ZMIZ1: variants seen among roughly 807,000 people sequenced by gnomAD.
ZMIZ1 encodes the protein zinc finger MIZ-type containing 1.
A neutral mutation model predicts 113.9 loss-of-function variants in ZMIZ1; 17 were observed. The ratio of observed to expected loss-of-function variants is 0.15; its 90% CI spans 0.10 to 0.22. The LOEUF is 0.22. Among genes scored for constraint, ZMIZ1 ranks in the 10% least tolerant of loss-of-function variants. The pLI is 1.00. For synonymous variants in ZMIZ1, 607 were observed against 603.1 expected, an observed-to-expected ratio of 1.01 and a Z score of -0.09; for missense variants, 1,059 against 1,477.8, an observed-to-expected ratio of 0.72 and a Z score of 4.65.
intron 9 of ZMIZ1, 51 bp downstream of exon 9, chr10:79,289,940 C>T (rs766604733): frequency 4.7e-5 from 73 of 1,556,384 alleles, no homozygotes; most frequent in Non-Finnish European, 5.9e-5. Context: ...CGGGAGTGTC[C>T]CTTGACCCCT....
rs547098128 is a variant in ZMIZ1, at chr10:79,211,288, A to C, written c.174+2839A>C. Among the ~76,000 whole-genome samples, 5 of 151,806 alleles carry C rather than the reference A, an allele frequency of 3.3e-5. No homozygotes were observed. The South Asian group carries it at 1.0e-3, about 32-fold the overall frequency. ...CCCTAGTCCCAGGCTGGTCCCACAGACTCCCTGGGAGCCTCTGGGCCCTGT... is the reference window on the plus strand; with the variant it reads ...CCCTAGTCCCAGGCTGGTCCCACAGCCTCCCTGGGAGCCTCTGGGCCCTGT... On this transcript the variant is annotated intron_variant, in intron 6 of 24. Coordinates refer to ENST00000334512, the MANE Select transcript of ZMIZ1 (RefSeq NM_020338.4).
At chr10:79,113,580 T>C (rs1843846753) in intron 1 of ZMIZ1, among the ~76,000 whole-genome samples, 1 of 152,238 alleles carries the variant, frequency 6.6e-6, no homozygotes, top group Non-Finnish European at 1.5e-5. Flanking sequence ...CCACAGGCTG[T>C]TGTTGGCAGG....
chr10:79,236,250 C>CT (rs879321621), intron 7 of ZMIZ1, among the ~76,000 whole-genome samples: 92 of 152,188 alleles, frequency 6.0e-4, no homozygotes, highest in Middle Eastern at 6.3e-3. Context: ...AAAGTGGAAG[C>CT]TTTGTGCTCA....
rs921348494 is a variant in ZMIZ1, at chr10:79,104,342, A to G, written c.-336-14573A>G. Among the ~76,000 whole-genome samples, 5 of 152,192 alleles carry G rather than the reference A, an allele frequency of 3.3e-5. No homozygotes were observed. The East Asian group carries it at 9.7e-4, about 29-fold the overall frequency. On this transcript the variant is annotated intron_variant, in intron 1 of 24. Transcript: ENST00000334512. ...ATGAGTATAGAGTCCGCGTGCATAG[A>G]AGCCATGTGCAGGGTGGTCACTGGA...
intron 22 of ZMIZ1, 28 bp downstream of exon 22, chr10:79,306,372 GAGA>G (rs779241100): frequency 6.2e-7 from 1 of 1,601,290 alleles, no homozygotes; most frequent in Admixed American, 1.7e-5. Flanking sequence ...GGGAGGAAGG[GAGA>G]AGGAGGGCAG....
intron 5 of ZMIZ1, among the ~76,000 whole-genome samples, chr10:79,206,241 G>A (rs1010423472): frequency 1.4e-4 from 22 of 152,210 alleles, no homozygotes; most frequent in Non-Finnish European, 2.9e-4. Flanking sequence ...CTGGGCACTC[G>A]GGTGCCAGAA....
At chr10:79,115,953 A>G (rs1179721682) in intron 1 of ZMIZ1, among the ~76,000 whole-genome samples, 1 of 152,132 alleles carries the variant, frequency 6.6e-6, no homozygotes, top group East Asian at 1.9e-4. Context: ...AGCAGTTTCC[A>G]TTGTTTTGCC....
chr10:79,097,316 T>C (rs1190551712), intron 1 of ZMIZ1, among the ~76,000 whole-genome samples: 1 of 152,242 alleles, frequency 6.6e-6, no homozygotes, highest in African/African-American at 2.4e-5. Flanking sequence ...ACTGGTCCCC[T>C]GGCTTGGCTG....
intron 4 of ZMIZ1, among the ~76,000 whole-genome samples, chr10:79,183,089 G>A (rs1012809432): frequency 2.6e-5 from 4 of 152,208 alleles, no homozygotes; most frequent in African/African-American, 9.6e-5. Flanking sequence ...CCAATCCCAG[G>A]AGTGGACTGG....
intron 12 of ZMIZ1, chr10:79,293,982 C>T (rs951385228): frequency 4.0e-5 from 17 of 426,750 alleles, no homozygotes; most frequent in Non-Finnish European, 6.1e-5. Context: ...CTTGGCTCAG[C>T]CACTAACTGG....
rs1854228915 is a variant in ZMIZ1, at chr10:79,300,609, A to G, written c.1809-123A>G. The G allele has an allele frequency of 2.5e-6, 3 of 1,217,294 alleles. No homozygotes were observed. The Admixed American group carries it at 6.4e-5, about 26-fold the overall frequency. The allele number at this position is 1,217,294 out of a possible 1,614,324, so 75.4% of individuals were successfully genotyped here. On this transcript the variant is annotated intron_variant, in intron 16 of 24. Transcript: ENST00000334512. Reference sequence around the variant, plus strand: ...GCTGGGGGAATCATTGGGGTCAGGGATGGGGTCCTGAGGATCTCGGAGGTT... The same window carrying G: ...GCTGGGGGAATCATTGGGGTCAGGGGTGGGGTCCTGAGGATCTCGGAGGTT...
At chr10:79,259,366 G>A (rs1224960085) in intron 7 of ZMIZ1, among the ~76,000 whole-genome samples, 1 of 152,064 alleles carries the variant, frequency 6.6e-6, no homozygotes, top group African/African-American at 2.4e-5. Flanking sequence ...AAGCCTTCCT[G>A]GGTCGCTGCA....
chr10:79,123,168 G>A (rs1255643518), intron 2 of ZMIZ1, among the ~76,000 whole-genome samples: 1 of 152,154 alleles, frequency 6.6e-6, no homozygotes, highest in Non-Finnish European at 1.5e-5. Flanking sequence ...TCGTGTCAGG[G>A]GCATGACAAA....
At chr10:79,122,165 A>C (rs555045986) in intron 2 of ZMIZ1, among the ~76,000 whole-genome samples, 1 of 152,216 alleles carries the variant, frequency 6.6e-6, no homozygotes, top group South Asian at 2.1e-4. Flanking sequence ...AGGCGCCACC[A>C]GTTACTTACC....
At chr10:79,299,806 T>C (rs1484932004) in intron 16 of ZMIZ1, among the ~76,000 whole-genome samples, 1 of 152,250 alleles carries the variant, frequency 6.6e-6, no homozygotes, top group Non-Finnish European at 1.5e-5. Flanking sequence ...AATTGGCTTG[T>C]GTGAGTTCTC....
At chr10:79,173,036 A>G (rs762281038) in intron 4 of ZMIZ1, among the ~76,000 whole-genome samples, 9 of 152,180 alleles carry the variant, frequency 5.9e-5, no homozygotes, top group Non-Finnish European at 4.4e-5. Flanking sequence ...ATCTCAGTAC[A>G]ATATGATTTT....
At position 79,147,152 on chromosome 10, in the gene ZMIZ1, C is replaced by T. The variant is rs559425623; in HGVS notation, c.-131+7375C>T. ...GATCGCCATGGGCATCAGGGAGCCC[C>T]GAGCTGGGTCCTAGAGCTCTTGGGC... On this transcript the variant is annotated intron_variant, in intron 3 of 24. Transcript: ENST00000334512. 3.3e-4 allele frequency among the ~76,000 whole-genome samples: 50 copies of T among 152,192 alleles called. No homozygotes were observed. In the South Asian group the frequency reaches 8.7e-3, roughly 27 times the overall value.
intron 4 of ZMIZ1, among the ~76,000 whole-genome samples, chr10:79,178,996 A>G (rs1349343433): frequency 6.6e-6 from 1 of 152,216 alleles, no homozygotes; most frequent in Non-Finnish European, 1.5e-5. Flanking sequence ...GGCCCATCTC[A>G]GTCCAGACCC....
chr10:79,100,550 G>A (rs1024262883), intron 1 of ZMIZ1, among the ~76,000 whole-genome samples: 6 of 152,126 alleles, frequency 3.9e-5, no homozygotes, highest in South Asian at 2.1e-4. Flanking sequence ...CTTGAATGCC[G>A]AATGGAGTTT....
Sources: allele counts gnomAD v4.1 joint callset (sites outside exome capture counted in the v4.1 genomes callset), GRCh38; gene constraint gnomAD v4.1.1; transcripts MANE v1.5; gene names NCBI Gene and HGNC (gene_info 2026-07-23, HGNC 2026-07-21).